PRKCE: variants seen among roughly 807,000 people sequenced by gnomAD.
PRKCE encodes the protein protein kinase C epsilon, also known as protein kinase C epsilon type.
PRKCE carries 16 observed loss-of-function variants against 85.4 expected under a neutral mutation model. The observed-to-expected ratio is 0.19, with a 90% CI of 0.13 to 0.28. The LOEUF (loss-of-function observed/expected upper bound fraction) is 0.28. Among genes scored for constraint, PRKCE ranks in the 10% least tolerant of loss-of-function variants. PRKCE has a pLI of 1.00. For synonymous variants in PRKCE, 388 were observed against 371.5 expected (o/e 1.04, Z -0.51); for missense variants, 573 against 975.2 (o/e 0.59, Z 5.49).
intron 11 of PRKCE, among the ~76,000 whole-genome samples, chr2:46,143,061 GA>G (rs777909201): frequency 6.6e-6 from 1 of 152,172 alleles, no homozygotes; most frequent in Non-Finnish European, 1.5e-5. Flanking sequence ...TTGCAGAGCA[GA>G]TCCACCAAGC....
At chr2:45,754,362 C>T (rs890577509) in intron 1 of PRKCE, among the ~76,000 whole-genome samples, 2 of 152,192 alleles carry the variant, frequency 1.3e-5, no homozygotes, top group Non-Finnish European at 2.9e-5. Flanking sequence ...GTTTACAGAA[C>T]AGATATGTTG....
intron 2 of PRKCE, among the ~76,000 whole-genome samples, chr2:45,924,101 A>G (rs1192050133): frequency 6.6e-6 from 1 of 152,082 alleles, no homozygotes; most frequent in African/African-American, 2.4e-5. Context: ...AATGGACCCA[A>G]CCCCTTTTCC....
intron 1 of PRKCE, among the ~76,000 whole-genome samples, chr2:45,664,524 C>T (rs1050799216): frequency 6.6e-6 from 1 of 152,318 alleles, no homozygotes; most frequent in Admixed American, 6.5e-5. Flanking sequence ...TAAAACCTTT[C>T]CAGTCCTTAT....
chr2:45,805,095 A>C (rs1360779731), intron 1 of PRKCE, among the ~76,000 whole-genome samples: 1 of 152,234 alleles, frequency 6.6e-6, no homozygotes, highest in Non-Finnish European at 1.5e-5. Context: ...TAATTAGAAT[A>C]GCTAAGTCAT....
chr2:45,821,698 A>G (rs1163953851), intron 1 of PRKCE, among the ~76,000 whole-genome samples: 2 of 152,176 alleles, frequency 1.3e-5, no homozygotes, highest in East Asian at 3.9e-4. Flanking sequence ...TGGTGGTGGT[A>G]AATAAGGTAT....
At chr2:45,964,553 C>T (rs1243534258) in intron 2 of PRKCE, among the ~76,000 whole-genome samples, 1 of 152,118 alleles carries the variant, frequency 6.6e-6, no homozygotes, top group Admixed American at 6.5e-5. Context: ...TTACTGGGTA[C>T]CAGAAGCATG....
chr2:46,163,138 G>A (rs1677942717), intron 14 of PRKCE, among the ~76,000 whole-genome samples: 1 of 152,258 alleles, frequency 6.6e-6, no homozygotes, highest in African/African-American at 2.4e-5. Flanking sequence ...GGTACCAGCA[G>A]TGAGGACAAC....
At chr2:46,101,579 C>T (rs973235448) in intron 11 of PRKCE, among the ~76,000 whole-genome samples, 7 of 152,112 alleles carry the variant, frequency 4.6e-5, no homozygotes, top group Non-Finnish European at 8.8e-5. Flanking sequence ...CAGAGGCTGT[C>T]GAATGACTGT....
chr2:45,723,639 C>G (rs1031519991), intron 1 of PRKCE, among the ~76,000 whole-genome samples: 3 of 152,096 alleles, frequency 2.0e-5, no homozygotes, highest in Non-Finnish European at 4.4e-5. Flanking sequence ...GAGTTTCACT[C>G]TTTTGCCCAG....
intron 1 of PRKCE, among the ~76,000 whole-genome samples, chr2:45,758,747 TC>T (rs1252368744): frequency 6.6e-6 from 1 of 152,202 alleles, no homozygotes; most frequent in Non-Finnish European, 1.5e-5. Context: ...TACAGTTATG[TC>T]CCCTGAGCCT....
chr2:45,716,694 G>GGA (rs1680148447), intron 1 of PRKCE, among the ~76,000 whole-genome samples: 1 of 98,804 alleles, frequency 1.0e-5, no homozygotes, highest in Non-Finnish European at 2.2e-5. Context: ...AAGAAGAGAA[G>GGA]GAAGGAAGGA....
At position 46,159,881 on chromosome 2, in the gene PRKCE, G is replaced by C; in HGVS notation, c.2067+129G>C. The C allele has an allele frequency of 1.6e-6, 2 of 1,222,026 alleles. No homozygotes were observed. The highest frequency in any genetic ancestry group is 2.3e-6 in the Non-Finnish European group (2 of 883,826). 75.7% of individuals were successfully genotyped at this position (1,222,026 alleles called of 1,614,324 possible). ...AGTAAAAATGACAAAGACCAGAGGT[G>C]GCTGAGGCTCTCCCTAAGACAATGT... is the stretch of plus-strand genomic sequence containing the variant. On this transcript the variant is annotated intron_variant, in intron 14 of 14. Transcript: ENST00000306156. This position sits in a 1 kb window ranked among gnomAD's most constrained non-coding sequence, Gnocchi z 4.1.
At chr2:45,834,708 C>A (rs567531708) in intron 1 of PRKCE, among the ~76,000 whole-genome samples, 33 of 152,262 alleles carry the variant, frequency 2.2e-4, no homozygotes, top group African/African-American at 7.2e-4. Context: ...TAATGTATCA[C>A]AGAGCTAGTT....
At chr2:45,794,766 T>C (rs1044652225) in intron 1 of PRKCE, among the ~76,000 whole-genome samples, 1 of 152,046 alleles carries the variant, frequency 6.6e-6, no homozygotes, top group Admixed American at 6.6e-5. Context: ...TTCTAATTAC[T>C]TGAAGTATTC....
intron 1 of PRKCE, among the ~76,000 whole-genome samples, chr2:45,660,191 C>G (rs1197109426): frequency 1.3e-5 from 2 of 152,176 alleles, no homozygotes; most frequent in Non-Finnish European, 2.9e-5. Flanking sequence ...CTCTGAGGAG[C>G]ATGGCATCTC....
At chr2:46,000,637 G>C (rs928827301) in intron 6 of PRKCE, among the ~76,000 whole-genome samples, 3 of 146,092 alleles carry the variant, frequency 2.1e-5, no homozygotes, top group Non-Finnish European at 3.0e-5. Flanking sequence ...GAATCTAGTT[G>C]AGCTCCTGAA....
At chr2:46,059,047 A>G (rs1006239991) in intron 10 of PRKCE, among the ~76,000 whole-genome samples, 1 of 152,334 alleles carries the variant, frequency 6.6e-6, no homozygotes, top group African/African-American at 2.4e-5. Flanking sequence ...GGCTGGTTGC[A>G]GTGGCTCATG....
chr2:45,821,714 G>A (rs986041131), intron 1 of PRKCE, among the ~76,000 whole-genome samples: 1 of 152,194 alleles, frequency 6.6e-6, no homozygotes, highest in East Asian at 1.9e-4. Flanking sequence ...GGTATGATTG[G>A]AATGCAGGCC....
chr2:45,857,614 T>G (rs1692781667), intron 2 of PRKCE, among the ~76,000 whole-genome samples: 1 of 152,254 alleles, frequency 6.6e-6, no homozygotes. Context: ...GGTCTTGCTG[T>G]GTTGCCCATA....
Sources: allele counts gnomAD v4.1 joint callset (sites outside exome capture counted in the v4.1 genomes callset), GRCh38; gene constraint gnomAD v4.1.1; non-coding constraint Gnocchi (gnomAD v3.1); transcripts MANE v1.5; gene names NCBI Gene and HGNC (gene_info 2026-07-23, HGNC 2026-07-21).